AGMO: variants seen among roughly 807,000 people sequenced by gnomAD.
The protein encoded by AGMO is alkylglycerol monooxygenase, also known as glyceryl-ether monooxygenase.
AGMO carries 75 observed loss-of-function variants against 60.2 expected under a neutral mutation model. The ratio of observed to expected loss-of-function variants is 1.25; its 90% CI spans 1.03 to 1.51. The LOEUF is 1.51. Ranked by LOEUF, AGMO falls within the 40% of genes most tolerant of loss-of-function variation. The probability of loss-of-function intolerance (pLI) is 0.00; values close to 1 mark genes in which losing one functional copy is unlikely to be tolerated. For synonymous variants in AGMO, 261 were observed against 177.1 expected (o/e 1.47, Z -3.76); for missense variants, 763 against 525.5 (o/e 1.45, Z -4.42).
intron 12 of AGMO, among the ~76,000 whole-genome samples, chr7:15,217,969 G>T (rs1404585248): frequency 6.6e-6 from 1 of 151,952 alleles, no homozygotes; most frequent in Non-Finnish European, 1.5e-5. Flanking sequence ...TGTCCTGGGG[G>T]TTTGGTGCTA....
intron 4 of AGMO, among the ~76,000 whole-genome samples, chr7:15,426,381 A>C (rs1781061182): frequency 6.6e-6 from 1 of 152,200 alleles, no homozygotes; most frequent in African/African-American, 2.4e-5. Context: ...AATAACAATA[A>C]TGAAAAGCGT....
chr7:15,132,692 T>A, the AGMO span, among the ~76,000 whole-genome samples: 1 of 152,152 alleles, frequency 6.6e-6, no homozygotes, highest in Non-Finnish European at 1.5e-5. Context: ...GAAGATCAAC[T>A]GGGGTGAGCT....
intron 3 of AGMO, among the ~76,000 whole-genome samples, chr7:15,524,444 T>C (rs1784073310): frequency 1.3e-5 from 2 of 152,204 alleles, no homozygotes; most frequent in South Asian, 4.1e-4. Context: ...TAAAGTTTAA[T>C]TGGTAATTAT....
At chr7:15,131,870 T>C in the AGMO span, among the ~76,000 whole-genome samples, 1 of 151,550 alleles carries the variant, frequency 6.6e-6, no homozygotes, top group Non-Finnish European at 1.5e-5. Context: ...TGAGAACAAC[T>C]GCAATCCTGA....
chr7:15,326,521 T>C (rs1313890345), intron 12 of AGMO, among the ~76,000 whole-genome samples: 1 of 152,212 alleles, frequency 6.6e-6, no homozygotes, highest in African/African-American at 2.4e-5. Context: ...CTCTCAAGGA[T>C]GCTTACTAAT....
chr7:15,390,993 T>C (rs1297323846), intron 6 of AGMO, 88 bp from the exon 7 acceptor site: 5 of 813,314 alleles, frequency 6.1e-6, no homozygotes, highest in Non-Finnish European at 9.7e-6. Flanking sequence ...AATATATTCA[T>C]AAAATTCAGA....
intron 12 of AGMO, among the ~76,000 whole-genome samples, chr7:15,248,220 ATAT>A (rs1348706186): frequency 2.0e-4 from 22 of 110,898 alleles, no homozygotes; most frequent in Non-Finnish European, 3.6e-4. Context: ...ATATATATAT[ATAT>A]ATCTTCATCT....
chr7:15,467,798 G>A (rs889833628), intron 3 of AGMO, among the ~76,000 whole-genome samples: 1 of 151,996 alleles, frequency 6.6e-6, no homozygotes. Flanking sequence ...TAATTTTAAG[G>A]AAATATAATT....
chr7:15,331,956 C>A (rs1466910951), intron 12 of AGMO, among the ~76,000 whole-genome samples: 1 of 151,922 alleles, frequency 6.6e-6, no homozygotes, highest in East Asian at 1.9e-4. Context: ...TGACTAAGTC[C>A]TGCCAATGGA....
At chr7:15,212,998 A>G (rs1781638672) in intron 12 of AGMO, among the ~76,000 whole-genome samples, 1 of 152,042 alleles carries the variant, frequency 6.6e-6, no homozygotes, top group Admixed American at 6.6e-5. Flanking sequence ...ATCAGCATTT[A>G]CAGCAATGTT....
At chr7:15,390,614 A>C in intron 8 of AGMO, 57 bp downstream of exon 8, 2 of 1,340,566 alleles carry the variant, frequency 1.5e-6, no homozygotes, top group Non-Finnish European at 2.1e-6. Flanking sequence ...TTTTCTCTTA[A>C]CTATAAGATT....
Position 15,490,055 on chromosome 7 carries a change from C to A in AGMO, c.409+54717G>T, listed in dbSNP as rs1001714739. Among the ~76,000 whole-genome samples the A allele has an allele frequency of 2.0e-5, 3 of 152,106 alleles. No individual in the cohort carries two copies. In the East Asian group the frequency reaches 5.8e-4, roughly 29 times the overall value. On this transcript the variant is annotated intron_variant, in intron 3 of 12. Transcript: ENST00000342526. The stretch of plus-strand genomic sequence containing the variant: ...AAATATCTAATTTAAGGAACTATAT[C>A]AAAAAGATATTATAACAAAATCTTG...
At chr7:15,541,497 T>A (rs556595432) in intron 3 of AGMO, among the ~76,000 whole-genome samples, 119 of 152,328 alleles carry the variant, frequency 7.8e-4, no homozygotes, top group African/African-American at 2.8e-3. Context: ...TCCTTCTATA[T>A]ATTTTTCTAA....
intron 12 of AGMO, among the ~76,000 whole-genome samples, chr7:15,353,860 T>C (rs182401779): frequency 1.3e-5 from 2 of 150,822 alleles, no homozygotes; most frequent in East Asian, 1.9e-4. Flanking sequence ...ATATAAGCTA[T>C]ATTTGTGTCT....
chr7:15,455,777 A>T (rs915053178), intron 3 of AGMO, among the ~76,000 whole-genome samples: 6 of 152,178 alleles, frequency 3.9e-5, no homozygotes, highest in Admixed American at 3.3e-4. Context: ...TGCCATTTTG[A>T]TTCCACCTCC....
intron 12 of AGMO, among the ~76,000 whole-genome samples, chr7:15,362,963 T>A (rs1208723547): frequency 1.3e-5 from 2 of 152,208 alleles, no homozygotes; most frequent in Non-Finnish European, 2.9e-5. Context: ...ACTTATTCAC[T>A]TAATAGTTAT....
chr7:15,500,461 T>C lies in AGMO; in HGVS notation c.409+44311A>G, dbSNP rs368498540. 5.9e-5 allele frequency among the ~76,000 whole-genome samples: 9 copies of C among 152,050 alleles called. No homozygotes were observed. The East Asian group carries it at 1.5e-3, about 26-fold the overall frequency. On this transcript the variant is annotated intron_variant, in intron 3 of 12. Transcript: ENST00000342526. ...AGGAAAACCCTACAGTATTTATTTT[T>C]ATTTGAAAATAAGAGTATCGATTCA...
At chr7:15,204,364 T>C (rs565734611) in intron 12 of AGMO, among the ~76,000 whole-genome samples, 1 of 152,342 alleles carries the variant, frequency 6.6e-6, no homozygotes, top group South Asian at 2.1e-4. Context: ...TATGTCACTT[T>C]ACTTGATAGT....
chr7:15,375,686 G>A (rs1321936204), intron 10 of AGMO, among the ~76,000 whole-genome samples: 3 of 152,088 alleles, frequency 2.0e-5, no homozygotes, highest in African/African-American at 7.2e-5. Flanking sequence ...GTAAGCCACT[G>A]TGCCCAGCCT....
Sources: allele counts gnomAD v4.1 joint callset (sites outside exome capture counted in the v4.1 genomes callset), GRCh38; gene constraint gnomAD v4.1.1; transcripts MANE v1.5; gene names NCBI Gene and HGNC (gene_info 2026-07-23, HGNC 2026-07-21).